TM9SF4: variants seen among roughly 807,000 people sequenced by gnomAD.
TM9SF4 encodes the protein dinucleotide oxidase disulfide thiol exchanger 3 superfamily member 4.
TM9SF4 carries 26 observed loss-of-function variants against 90.4 expected under a neutral mutation model. That is an observed-to-expected ratio of 0.29 (90% confidence interval 0.21 to 0.40). TM9SF4 has a LOEUF of 0.40. Among genes scored for constraint, TM9SF4 ranks in the 10% least tolerant of loss-of-function variants. TM9SF4 has a pLI of 1.00. For synonymous variants in TM9SF4, 293 were observed against 315.4 expected (o/e 0.93, Z 0.75); for missense variants, 549 against 834.8 (o/e 0.66, Z 4.22).
rs369126753 is a variant in TM9SF4, at chr20:32,109,746, G to T, written c.6G>T (p.Ala2=). The change falls in exon 1 of 18, where the codon GCG becomes GCT. Residue 2 remains alanine (A), a synonymous_variant. Coordinates refer to ENST00000398022, the MANE Select transcript of TM9SF4 (RefSeq NM_014742.4). Reference sequence around the variant, plus strand: ...CGGCGACACGTGGATCCAAGATGGCGACGGCGATGGTGAGTGAAGGAGACT... The same window carrying T: ...CGGCGACACGTGGATCCAAGATGGCTACGGCGATGGTGAGTGAAGGAGACT... M[A]TAMDWLPWSL... 2 of 1,551,558 alleles carry T rather than the reference G, an allele frequency of 1.3e-6. No individual in the cohort carries two copies. Among genetic ancestry groups the T allele is most frequent in the Non-Finnish European group, 1.7e-6 (2 of 1,147,004 alleles).
intron 2 of TM9SF4, among the ~76,000 whole-genome samples, chr20:32,135,498 TA>T (rs1448140067): frequency 2.0e-5 from 3 of 152,218 alleles, no homozygotes; most frequent in African/African-American, 7.2e-5. Context: ...TTTTATCAGA[TA>T]TGCTATGAAG....
chr20:32,122,969 C>T (rs989705123), intron 1 of TM9SF4, among the ~76,000 whole-genome samples: 1 of 151,660 alleles, frequency 6.6e-6, no homozygotes, highest in Non-Finnish European at 1.5e-5. Flanking sequence ...GAGCTGGAGA[C>T]CAGCCCGGCC....
intron 3 of TM9SF4, among the ~76,000 whole-genome samples, chr20:32,138,495 A>G (rs572157479): frequency 1.3e-5 from 2 of 152,326 alleles, no homozygotes; most frequent in South Asian, 2.1e-4. Context: ...AATCTCTACT[A>G]AAAATACAAA....
At chr20:32,156,542 A>T (rs2046923710) in intron 13 of TM9SF4, among the ~76,000 whole-genome samples, 1 of 152,218 alleles carries the variant, frequency 6.6e-6, no homozygotes, top group African/African-American at 2.4e-5. Context: ...AAAATACCTA[A>T]TACAATGTAA....
chr20:32,113,980 T>C (rs1387284575), intron 1 of TM9SF4, among the ~76,000 whole-genome samples: 1 of 152,262 alleles, frequency 6.6e-6, no homozygotes, highest in Non-Finnish European at 1.5e-5. Flanking sequence ...GTATCATGTA[T>C]CAGTAGTGCC....
At position 32,121,079 on chromosome 20, in the gene TM9SF4, G is replaced by A. The variant is rs775437348; in HGVS notation, c.15+11324G>A. On this transcript the variant is annotated intron_variant, in intron 1 of 17. Coordinates refer to ENST00000398022, the MANE Select transcript of TM9SF4 (RefSeq NM_014742.4). ...TCATGAACACACAGGATAGTTGTCC[G>A]TAGTTTCCATTTCTTGTGATGTCTT... Among the ~76,000 whole-genome samples, 5 of 151,954 alleles carry A rather than the reference G, an allele frequency of 3.3e-5. No individual in the cohort carries two copies. The South Asian group carries it at 1.0e-3, about 31-fold the overall frequency.
intron 5 of TM9SF4, among the ~76,000 whole-genome samples, chr20:32,142,183 G>A (rs950860713): frequency 6.6e-5 from 10 of 152,104 alleles, no homozygotes; most frequent in Non-Finnish European, 1.5e-4. Context: ...CTAAGTAGTG[G>A]TCAAGAGCGT....
intron 17 of TM9SF4, among the ~76,000 whole-genome samples, chr20:32,163,267 AAATATATATATATAT>A (rs1463239449): frequency 1.3e-5 from 1 of 75,944 alleles, no homozygotes; most frequent in African/African-American, 6.3e-5. Flanking sequence ...AAAAAAAAAA[AAATATATATATATAT>A]ATATATATAT....
At chr20:32,139,646 C>T (rs1054732994) in intron 3 of TM9SF4, among the ~76,000 whole-genome samples, 4 of 152,358 alleles carry the variant, frequency 2.6e-5, no homozygotes, top group East Asian at 1.9e-4. Context: ...ACTCAGATAA[C>T]GTCTTTCTCT....
chr20:32,110,931 C>T (rs945950118), intron 1 of TM9SF4, among the ~76,000 whole-genome samples: 1 of 152,182 alleles, frequency 6.6e-6, no homozygotes, highest in African/African-American at 2.4e-5. Flanking sequence ...GCCTCCTCAG[C>T]AGATAATTTC....
chr20:32,147,660 C>A (rs1232980932), intron 9 of TM9SF4, among the ~76,000 whole-genome samples: 1 of 152,148 alleles, frequency 6.6e-6, no homozygotes, highest in African/African-American at 2.4e-5. Flanking sequence ...CAAGACCAGC[C>A]TGACCAACAT....
rs1465443378 is a variant in TM9SF4, at chr20:32,136,246, A to G, written c.229+73A>G. 9 of 1,418,872 alleles carry G rather than the reference A, an allele frequency of 6.3e-6. No individual in the cohort carries two copies. The African/African-American group carries it at 1.1e-4, about 18-fold the overall frequency. 87.9% of individuals were successfully genotyped at this position (1,418,872 alleles called of 1,614,324 possible). A position where few individuals can be genotyped will look rare whatever the true frequency, so the allele number is the denominator to read the frequency against. ...CAGCATGATTTTTATAATGATAACA[A>G]CAGTTAACTTTGCTATATTCTAGAC... On this transcript the variant is annotated intron_variant, in intron 3 of 17. Coordinates refer to ENST00000398022, the MANE Select transcript of TM9SF4 (RefSeq NM_014742.4).
At chr20:32,122,452 G>A (rs1356381303) in intron 1 of TM9SF4, among the ~76,000 whole-genome samples, 39 of 151,594 alleles carry the variant, frequency 2.6e-4, no homozygotes, top group African/African-American at 7.3e-4. Context: ...TCTCATACGG[G>A]GCGGCTGCCG....
At chr20:32,161,116 A>G in intron 16 of TM9SF4, 160 bp from the exon 17 acceptor site, 1 of 609,750 alleles carries the variant, frequency 1.6e-6, no homozygotes. Context: ...AGAAATGCAT[A>G]CAGTTCTGGA....
chr20:32,148,454 G>A (rs73106677), intron 9 of TM9SF4, among the ~76,000 whole-genome samples: 224 of 151,962 alleles, frequency 1.5e-3, no homozygotes, highest in Non-Finnish European at 1.9e-3. Flanking sequence ...ATGGTGGCTC[G>A]TGCCTGTAAT....
intron 15 of TM9SF4, among the ~76,000 whole-genome samples, chr20:32,158,716 C>T (rs1307082875): frequency 2.0e-5 from 3 of 152,164 alleles, no homozygotes; most frequent in Non-Finnish European, 4.4e-5. Flanking sequence ...GGCGCGGTGG[C>T]TCACACCTGT....
intron 12 of TM9SF4, among the ~76,000 whole-genome samples, chr20:32,154,771 T>G (rs1188211658): frequency 6.6e-6 from 1 of 152,194 alleles, no homozygotes; most frequent in Non-Finnish European, 1.5e-5. Context: ...TACCGTGTTC[T>G]CAGTGATGAG....
At chr20:32,130,383 G>A (rs931449336) in intron 1 of TM9SF4, among the ~76,000 whole-genome samples, 2 of 152,172 alleles carry the variant, frequency 1.3e-5, no homozygotes, top group African/African-American at 2.4e-5. Flanking sequence ...TTTGCCAACA[G>A]TACAGGATTT....
At chr20:32,127,717 T>G (rs2122357274) in intron 1 of TM9SF4, among the ~76,000 whole-genome samples, 1 of 152,354 alleles carries the variant, frequency 6.6e-6, no homozygotes, top group African/African-American at 2.4e-5. Flanking sequence ...AGGATTTGCT[T>G]TTCATTCCTC....
Sources: gnomAD v4.1 joint callset for allele counts (sites outside exome capture counted in the v4.1 genomes callset) on GRCh38, gnomAD v4.1.1 for gene constraint, MANE v1.5 for transcripts, NCBI Gene and HGNC (gene_info 2026-07-23, HGNC 2026-07-21) for gene names.